Variants in PTPRG observed in about 807,000 individuals in gnomAD.
PTPRG encodes receptor-type tyrosine-protein phosphatase gamma.
PTPRG carries 102 observed loss-of-function variants against 165.3 expected under a neutral mutation model. That is an observed-to-expected ratio of 0.62 (90% CI 0.53 to 0.73). The LOEUF (loss-of-function observed/expected upper bound fraction) is 0.73. Ranked by LOEUF, PTPRG falls within the 30% of genes least tolerant of loss-of-function variation. The pLI is 0.00. For synonymous variants in PTPRG, 675 were observed against 669.5 expected (o/e 1.01, Z -0.13); for missense variants, 1,866 against 1,861.4 (o/e 1.00, Z -0.05).
chr3:61,804,705 C>T (rs79422698), intron 2 of PTPRG, among the ~76,000 whole-genome samples: 10,787 of 151,518 alleles, frequency 0.071, 511 homozygotes, highest in Non-Finnish European at 0.1. Context: ...ATAAAATCTA[C>T]CTTGATGTGT....
intron 2 of PTPRG, among the ~76,000 whole-genome samples, chr3:61,967,829 A>G (rs2040303750): frequency 6.6e-6 from 1 of 152,338 alleles, no homozygotes; most frequent in Non-Finnish European, 1.5e-5. Context: ...TTAAAGATGT[A>G]TATATAAACA....
At chr3:62,012,830 A>G (rs1224053246) in intron 4 of PTPRG, among the ~76,000 whole-genome samples, 3 of 152,180 alleles carry the variant, frequency 2.0e-5, no homozygotes, top group African/African-American at 7.2e-5. Flanking sequence ...AGATGGCTGA[A>G]CCTGTAGTAA....
At chr3:61,990,241 G>A (rs557185614) in intron 3 of PTPRG, among the ~76,000 whole-genome samples, 1 of 152,152 alleles carries the variant, frequency 6.6e-6, no homozygotes. Flanking sequence ...CATACGGCTA[G>A]TGACTACCCT....
chr3:62,272,576 G>A (rs1702101044), intron 21 of PTPRG, among the ~76,000 whole-genome samples: 1 of 152,130 alleles, frequency 6.6e-6, no homozygotes, highest in African/African-American at 2.4e-5. Flanking sequence ...GGGAGTGGTG[G>A]CTCACACATG....
intron 4 of PTPRG, among the ~76,000 whole-genome samples, chr3:62,023,870 A>T (rs149228375): frequency 2.6e-5 from 4 of 152,246 alleles, no homozygotes; most frequent in African/African-American, 7.2e-5. Flanking sequence ...AGAACATGAG[A>T]TGTTGTGCAG....
At chr3:61,678,927 T>C (rs1360744892) in intron 1 of PTPRG, among the ~76,000 whole-genome samples, 3 of 152,184 alleles carry the variant, frequency 2.0e-5, no homozygotes, top group Non-Finnish European at 4.4e-5. Context: ...CTCTGTATTA[T>C]GTGCAATTTT....
intron 5 of PTPRG, among the ~76,000 whole-genome samples, chr3:62,089,641 C>T (rs183883738): frequency 5.5e-4 from 84 of 152,254 alleles, no homozygotes; most frequent in Admixed American, 3.3e-3. Flanking sequence ...ATCAAATCCC[C>T]GTTTGGGGTC....
At chr3:61,612,324 T>C (rs1701193673) in intron 1 of PTPRG, among the ~76,000 whole-genome samples, 1 of 152,210 alleles carries the variant, frequency 6.6e-6, no homozygotes, top group Admixed American at 6.5e-5. Context: ...TCTGGTGAGC[T>C]TCTTGGAATG....
intron 1 of PTPRG, among the ~76,000 whole-genome samples, chr3:61,666,855 A>C (rs905412724): frequency 1.1e-4 from 17 of 152,338 alleles, no homozygotes; most frequent in African/African-American, 3.8e-4. Flanking sequence ...AGCCTACTTA[A>C]GAAAAGCTGA....
chr3:62,030,059 G>A (rs1046848204), intron 4 of PTPRG, among the ~76,000 whole-genome samples: 1 of 152,148 alleles, frequency 6.6e-6, no homozygotes. Context: ...TATCATTTGT[G>A]TATCCTGAAT....
chr3:62,233,241 C>T lies in PTPRG; in HGVS notation c.2375+1930C>T, dbSNP rs555243153. Among the ~76,000 whole-genome samples the T allele has an allele frequency of 3.0e-4, 46 of 152,254 alleles. No homozygotes were observed. The highest frequency in any genetic ancestry group is 2.1e-4 in the Non-Finnish European group (14 of 68,002). ...TGCTATGCTAAGTACTCCATGAAAA[C>T]GATATGGGCCAGATACAGATCCTGT... On this transcript the variant is annotated intron_variant, in intron 14 of 29. Transcript: ENST00000474889. The surrounding 1 kb of genome is among the most constrained non-coding windows in gnomAD (Gnocchi z 4.7).
intron 3 of PTPRG, among the ~76,000 whole-genome samples, chr3:61,997,492 T>C (rs1295339035): frequency 1.3e-5 from 2 of 152,120 alleles, no homozygotes; most frequent in Admixed American, 1.3e-4. Flanking sequence ...CACAGGGCCA[T>C]TGATTCTTTC....
chr3:62,177,709 C>T (rs1183059623), intron 8 of PTPRG, among the ~76,000 whole-genome samples: 1 of 152,132 alleles, frequency 6.6e-6, no homozygotes, highest in Non-Finnish European at 1.5e-5. Context: ...TTCCCTCTAC[C>T]TGGAAGGCCC....
chr3:61,859,873 C>T (rs544429965), intron 2 of PTPRG, among the ~76,000 whole-genome samples: 1 of 152,258 alleles, frequency 6.6e-6, no homozygotes, highest in South Asian at 2.1e-4. Flanking sequence ...ATAAACTCTC[C>T]CATCTGCTGT....
At chr3:61,788,402 C>T (rs4622897) in intron 2 of PTPRG, among the ~76,000 whole-genome samples, 1 of 151,928 alleles carries the variant, frequency 6.6e-6, no homozygotes, top group African/African-American at 2.4e-5. Context: ...TCTACTAGCA[C>T]GTATAACAAC....
intron 2 of PTPRG, among the ~76,000 whole-genome samples, chr3:61,866,414 G>T (rs72882241): frequency 1.9e-3 from 288 of 152,072 alleles, no homozygotes; most frequent in African/African-American, 6.5e-3. Flanking sequence ...ACCCCACTGT[G>T]CAGGCTGGAG....
chr3:61,651,149 AAAGGAAAAACATAAT>A (rs1702343495), intron 1 of PTPRG, among the ~76,000 whole-genome samples: 1 of 148,424 alleles, frequency 6.7e-6, no homozygotes, highest in Non-Finnish European at 1.5e-5. Context: ...TTTTTTTTTT[AAAGGAAAAACATAAT>A]TTCTATATAC....
intron 23 of PTPRG, 113 bp from the exon 24 acceptor site, chr3:62,275,760 G>A (rs2148879470): frequency 1.4e-6 from 1 of 736,398 alleles, no homozygotes; most frequent in East Asian, 2.8e-5. Flanking sequence ...GTTCTTTGTG[G>A]CACAGAAATG....
chr3:61,603,784 C>T (rs939315303), intron 1 of PTPRG, among the ~76,000 whole-genome samples: 1 of 152,188 alleles, frequency 6.6e-6, no homozygotes, highest in Non-Finnish European at 1.5e-5. Flanking sequence ...TGGCTCCAAT[C>T]TCTGCCTCCA....
Sources: gnomAD v4.1 joint callset for allele counts (sites outside exome capture counted in the v4.1 genomes callset) on GRCh38, gnomAD v4.1.1 for gene constraint, Gnocchi (gnomAD v3.1) non-coding constraint, MANE v1.5 for transcripts, NCBI Gene and HGNC (gene_info 2026-07-23, HGNC 2026-07-21) for gene names.